KMT2C: variants seen among roughly 807,000 people sequenced by gnomAD.
The protein encoded by KMT2C is lysine methyltransferase 2C, also known as histone-lysine N-methyltransferase 2C.
Under a neutral mutation model 507.9 loss-of-function variants are expected in KMT2C, and 88 were observed. The observed-to-expected ratio is 0.17, with a 90% CI of 0.15 to 0.21. The LOEUF (loss-of-function observed/expected upper bound fraction) is 0.21, where lower values mean the gene tolerates loss of function less well. Ranked by LOEUF, KMT2C falls within the 10% of genes least tolerant of loss-of-function variation. The pLI is 1.00. For missense variants in KMT2C, 4,954 were observed against 5,957.8 expected (o/e 0.83, Z 5.55); for synonymous variants, 2,049 against 2,080.8 (o/e 0.98, Z 0.42).
chr7:152,268,244 A>G (rs965682149), intron 7 of KMT2C, among the ~76,000 whole-genome samples: 2 of 151,946 alleles, frequency 1.3e-5, no homozygotes, highest in Non-Finnish European at 2.9e-5. Context: ...GCGCCACTGC[A>G]CTCCAGCCTG....
At chr7:152,316,820 GTGTAA>G (rs2096726875) in intron 3 of KMT2C, among the ~76,000 whole-genome samples, 1 of 150,376 alleles carries the variant, frequency 6.6e-6, no homozygotes, top group Non-Finnish European at 1.5e-5. Flanking sequence ...ATTAAATGTA[GTGTAA>G]TTTCAAAAAA....
At chr7:152,362,255 T>C (rs1341584515) in intron 1 of KMT2C, among the ~76,000 whole-genome samples, 11 of 152,196 alleles carry the variant, frequency 7.2e-5, no homozygotes, top group Non-Finnish European at 1.0e-4. Flanking sequence ...GAGAAAAGCA[T>C]TGCAGTAGAA....
In KMT2C at chr7:152,409,941, T is replaced by G. The variant is rs529260866; in HGVS notation, c.161+25685A>C. Among the ~76,000 whole-genome samples, 832 of 152,298 alleles carry G rather than the reference T, an allele frequency of 5.5e-3. 1 individual carries two copies. The highest frequency in any genetic ancestry group is 7.6e-3 in the Non-Finnish European group (514 of 68,014). The stretch of plus-strand genomic sequence containing the variant: ...ATACAAATATTTCAAAATGCTGAGT[T>G]ACTCTACTATAGCTAATAAAACTAC... On this transcript the variant is annotated intron_variant, in intron 1 of 58. Coordinates refer to ENST00000262189, the MANE Select transcript of KMT2C (RefSeq NM_170606.3).
intron 50 of KMT2C, 32 bp downstream of exon 50, chr7:152,151,407 TAGG>T: frequency 6.2e-7 from 1 of 1,609,438 alleles, no homozygotes; most frequent in African/African-American, 1.3e-5. Context: ...TCGCTGGAGG[TAGG>T]AGGTGGGGTC....
chr7:152,296,416 A>G (rs925237064), intron 6 of KMT2C, among the ~76,000 whole-genome samples: 1 of 149,574 alleles, frequency 6.7e-6, no homozygotes, highest in African/African-American at 2.5e-5. Flanking sequence ...CCTGGGCGAA[A>G]GGCGAAACTC....
At chr7:152,193,884 T>C in intron 31 of KMT2C, 125 bp downstream of exon 31, 1 of 745,264 alleles carries the variant, frequency 1.3e-6, no homozygotes, top group Admixed American at 3.2e-5. Flanking sequence ...AAAGGGTTTT[T>C]CTCCCTATCA....
chr7:152,151,510 G>C lies in KMT2C; in HGVS notation c.12598C>G (p.His4200Asp). The change falls in exon 50 of 59, where the codon CAT becomes GAT. Residue 4200 changes from histidine (H) to aspartate (D), a missense_variant. By Grantham distance (81) the His-to-Asp change is moderately conservative. Coordinates refer to ENST00000262189, the MANE Select transcript of KMT2C (RefSeq NM_170606.3). ...CTTCCAAGAATAACCACTTTACAAT[G>C]ACAACACCACTGTGGTCTGAGTGCT... is the stretch of plus-strand genomic sequence containing the variant. ...SAALRPQWCCHCKVVILGSGV... is the reference protein window; with the variant it reads ...SAALRPQWCCDCKVVILGSGV... 1 of 1,614,040 alleles carries C rather than the reference G, an allele frequency of 6.2e-7. No homozygotes were observed. Among genetic ancestry groups the C allele is most frequent in the Non-Finnish European group, 8.5e-7 (1 of 1,179,910 alleles).
At chr7:152,234,136 C>A (rs538156764) in intron 16 of KMT2C, among the ~76,000 whole-genome samples, 1 of 151,992 alleles carries the variant, frequency 6.6e-6, no homozygotes, top group Non-Finnish European at 1.5e-5. Flanking sequence ...GCCTGTAATT[C>A]CAACACTTTG....
chr7:152,390,587 C>A (rs1284298862), intron 1 of KMT2C, among the ~76,000 whole-genome samples: 1 of 152,174 alleles, frequency 6.6e-6, no homozygotes, highest in Non-Finnish European at 1.5e-5. Context: ...TCATTACAAC[C>A]CATCACAATA....
chr7:152,325,766 T>C (rs1028993503), intron 3 of KMT2C, among the ~76,000 whole-genome samples: 2 of 152,156 alleles, frequency 1.3e-5, no homozygotes, highest in African/African-American at 2.4e-5. Flanking sequence ...TTTCTATAAT[T>C]AGGGCTTTCC....
intron 42 of KMT2C, among the ~76,000 whole-genome samples, chr7:152,165,754 T>C (rs1344565439): frequency 6.6e-6 from 1 of 151,984 alleles, no homozygotes; most frequent in Non-Finnish European, 1.5e-5. Flanking sequence ...AATGGTGCAA[T>C]CTCAGCTCAC....
chr7:152,363,618 T>C (rs1011476895), intron 1 of KMT2C, among the ~76,000 whole-genome samples: 1 of 152,122 alleles, frequency 6.6e-6, no homozygotes, highest in Non-Finnish European at 1.5e-5. Context: ...GGCTTTCTGC[T>C]TGGCATTAAT....
At chr7:152,382,960 G>A (rs1336994175) in intron 1 of KMT2C, among the ~76,000 whole-genome samples, 1 of 152,304 alleles carries the variant, frequency 6.6e-6, no homozygotes, top group East Asian at 1.9e-4. Flanking sequence ...TTTAAGTAAT[G>A]TAATACTCTG....
intron 3 of KMT2C, among the ~76,000 whole-genome samples, chr7:152,316,582 C>G (rs1205362769): frequency 6.6e-6 from 1 of 152,104 alleles, no homozygotes; most frequent in Non-Finnish European, 1.5e-5. Context: ...CCTTCTTGGG[C>G]ATTAAAGTTA....
At chr7:152,180,549 G>A (rs1162806753) in intron 36 of KMT2C, among the ~76,000 whole-genome samples, 162 bp downstream of exon 36, 1 of 152,084 alleles carries the variant, frequency 6.6e-6, no homozygotes, top group Non-Finnish European at 1.5e-5. Context: ...AATTAAACTG[G>A]TGTTAATTTC....
At chr7:152,226,398 A>G (rs2094935077) in intron 18 of KMT2C, among the ~76,000 whole-genome samples, 3 of 151,112 alleles carry the variant, frequency 2.0e-5, no homozygotes, top group Admixed American at 2.0e-4. Flanking sequence ...ACACCCAGCT[A>G]ATTTTTGTAC....
At chr7:152,290,567 C>T (rs942424661) in intron 6 of KMT2C, among the ~76,000 whole-genome samples, 13 of 151,392 alleles carry the variant, frequency 8.6e-5, no homozygotes, top group African/African-American at 3.2e-4. Flanking sequence ...TTCAGCCTCC[C>T]GAAGTGCTGG....
intron 1 of KMT2C, among the ~76,000 whole-genome samples, chr7:152,386,274 G>A (rs1280489494): frequency 6.6e-6 from 1 of 152,242 alleles, no homozygotes; most frequent in East Asian, 1.9e-4. Flanking sequence ...AATTAAGTGA[G>A]TTAAGATGGT....
At position 152,136,557 on chromosome 7, in the gene KMT2C, A is replaced by C. The variant is rs2089891322; in HGVS notation, c.*275T>G. On this transcript the variant is annotated 3_prime_UTR_variant, in exon 59 of 59. Coordinates refer to ENST00000262189, the MANE Select transcript of KMT2C (RefSeq NM_170606.3). ...GGGAAAAACAAAACAAAAAACAAAC[A>C]AAAAAAAAAGAAAAGGAAAAGAAAA... 2 of 289,394 alleles carry C rather than the reference A, an allele frequency of 6.9e-6. No homozygotes were observed. Among genetic ancestry groups the C allele is most frequent in the Non-Finnish European group, 1.3e-5 (2 of 155,384 alleles). 17.9% of individuals were successfully genotyped at this position (289,394 alleles called of 1,614,324 possible).
Sources: gnomAD v4.1 joint callset for allele counts (sites outside exome capture counted in the v4.1 genomes callset) on GRCh38, gnomAD v4.1.1 for gene constraint, MANE v1.5 for transcripts, NCBI Gene and HGNC (gene_info 2026-07-23, HGNC 2026-07-21) for gene names.